CLUL1: variants seen among roughly 807,000 people sequenced by gnomAD.
The protein encoded by CLUL1 is clusterin-like protein 1.
A neutral mutation model predicts 49.4 loss-of-function variants in CLUL1; 43 were observed. The ratio of observed to expected loss-of-function variants is 0.87; its 90% CI spans 0.68 to 1.12. CLUL1 has a LOEUF of 1.12. CLUL1 is among the 50% of genes most tolerant of loss of function. The pLI is 0.00. For missense variants in CLUL1, 486 were observed against 544.4 expected, an observed-to-expected ratio of 0.89 and a Z score of 1.07; for synonymous variants, 192 against 184.9, an observed-to-expected ratio of 1.04 and a Z score of -0.31.
Position 644,980 on chromosome 18 carries a change from T to C in CLUL1, c.1280T>C (p.Leu427Pro), listed in dbSNP as rs1168624279. 1.2e-6 allele frequency: 2 copies of C among 1,613,804 alleles called. No homozygotes were observed. Among genetic ancestry groups the C allele is most frequent in the Non-Finnish European group, 8.5e-7 (1 of 1,179,758 alleles). Residue 427 changes from leucine to proline, a missense_variant, in exon 9 of 10, where the codon CTG (leucine) becomes CCG (proline). Physicochemically the swap from Leu to Pro is moderately conservative, Grantham distance 98 (BLOSUM62 -3). Transcript: ENST00000692774. ...DETMMTDLSI[L>P]PSSNFTLKIP... ...ACAATGATGACAGACTTAAGCATTC[T>C]GCCTTCCTCTAATTTCACACTCAAG...
At chr18:602,700 A>G (rs1181650650) in intron 1 of CLUL1, among the ~76,000 whole-genome samples, 1 of 152,222 alleles carries the variant, frequency 6.6e-6, no homozygotes, top group Non-Finnish European at 1.5e-5. Context: ...GGGGCAATAA[A>G]TGGCGCATTT....
chr18:622,206 C>G (rs531429031), intron 4 of CLUL1, among the ~76,000 whole-genome samples: 2 of 152,282 alleles, frequency 1.3e-5, no homozygotes, highest in Non-Finnish European at 2.9e-5. Flanking sequence ...GACCCAGCAT[C>G]CTCACTGTCC....
rs1208148238 is a variant in CLUL1 at position 619,242 on chromosome 18, G to T, written c.136G>T (p.Asp46Tyr). 7 of 1,613,842 alleles carry T rather than the reference G, an allele frequency of 4.3e-6. No individual in the cohort carries two copies. Among genetic ancestry groups the T allele is most frequent in the Non-Finnish European group, 5.9e-6 (7 of 1,179,966 alleles). Reference sequence around the variant, plus strand: ...TTCTGAGGTGGGGGAGATAGATGCAGATGAAGAGGTGAAGAAGGCTTTGAC... The same window carrying T: ...TTCTGAGGTGGGGGAGATAGATGCATATGAAGAGGTGAAGAAGGCTTTGAC... ...SFSEVGEIDA[D>Y]EEVKKALTGI... The change falls in exon 4 of 10, where the codon GAT becomes TAT. Residue 46 changes from aspartate (D) to tyrosine (Y), a missense_variant. Physicochemically the swap from Asp to Tyr is radical, Grantham distance 160. Transcript: ENST00000692774.
intron 2 of CLUL1, among the ~76,000 whole-genome samples, chr18:611,546 G>A (rs974891830): frequency 6.6e-6 from 1 of 152,010 alleles, no homozygotes; most frequent in Non-Finnish European, 1.5e-5. Context: ...CTGCACTCTA[G>A]CCTGGGCAAC....
chr18:626,887 G>GAAA (rs373271131), intron 5 of CLUL1, among the ~76,000 whole-genome samples: 3 of 2,710 alleles, frequency 1.1e-3, no homozygotes, highest in African/African-American at 3.0e-3. Flanking sequence ...AAGAAAGAAA[G>GAAA]AAAGAAAGAA....
intron 1 of CLUL1, among the ~76,000 whole-genome samples, chr18:604,732 T>G (rs113104146): frequency 3.2e-4 from 49 of 152,336 alleles, no homozygotes; most frequent in African/African-American, 1.2e-3. Flanking sequence ...CTAGGTACCC[T>G]GACATCAAAG....
At chr18:635,778 C>T (rs1222950779) in intron 7 of CLUL1, among the ~76,000 whole-genome samples, 1 of 152,252 alleles carries the variant, frequency 6.6e-6, no homozygotes, top group African/African-American at 2.4e-5. Flanking sequence ...TTTCTGTCGC[C>T]CAGGCTGGAG....
rs575005789 is a variant in CLUL1 at position 629,621 on chromosome 18, C to T, written c.856+2092C>T. On this transcript the variant is annotated intron_variant, in intron 6 of 9. Coordinates refer to ENST00000692774, the MANE Select transcript of CLUL1 (RefSeq NM_001393344.1). ...TCTCAGCTGCCTCACACGCACCCTC[C>T]CCAGCCCCTCTGCGCCACTTCCATC... 1.2e-4 allele frequency among the ~76,000 whole-genome samples: 19 copies of T among 152,360 alleles called. No homozygotes were observed. The East Asian group carries it at 3.1e-3, about 25-fold the overall frequency.
intron 9 of CLUL1, among the ~76,000 whole-genome samples, chr18:647,075 C>T (rs2074529104): frequency 6.6e-6 from 1 of 151,984 alleles, no homozygotes; most frequent in African/African-American, 2.4e-5. Flanking sequence ...AAAAATACAT[C>T]AATTAATTAA....
chr18:605,783 C>T (rs2072956696), intron 1 of CLUL1, among the ~76,000 whole-genome samples: 1 of 151,976 alleles, frequency 6.6e-6, no homozygotes, highest in African/African-American at 2.4e-5. Flanking sequence ...TTCAAGCCAT[C>T]CTCCCAACTC....
intron 9 of CLUL1, among the ~76,000 whole-genome samples, chr18:646,088 G>A (rs992507788): frequency 3.3e-5 from 5 of 151,516 alleles, no homozygotes; most frequent in African/African-American, 7.3e-5. Flanking sequence ...TACTCAGGTC[G>A]GAGGTGGTAG....
chr18:599,204 A>ATGT (rs759691595), intron 1 of CLUL1, among the ~76,000 whole-genome samples: 91 of 152,322 alleles, frequency 6.0e-4, no homozygotes, highest in Admixed American at 2.0e-3. Flanking sequence ...CTTTAAGTGT[A>ATGT]TGTTGTTGTT....
chr18:603,305 C>T (rs1048886525), intron 1 of CLUL1, among the ~76,000 whole-genome samples: 3 of 151,994 alleles, frequency 2.0e-5, no homozygotes, highest in Non-Finnish European at 4.4e-5. Context: ...TAAAAGATCC[C>T]TCTGATAGGA....
intron 6 of CLUL1, among the ~76,000 whole-genome samples, chr18:632,503 A>G (rs2074019543): frequency 6.6e-6 from 1 of 152,180 alleles, no homozygotes; most frequent in African/African-American, 2.4e-5. Context: ...GTTTTTTAAA[A>G]TACAGAAAAG....
intron 9 of CLUL1, among the ~76,000 whole-genome samples, chr18:645,621 G>C (rs1389870090): frequency 1.3e-5 from 2 of 150,302 alleles, no homozygotes; most frequent in African/African-American, 2.4e-5. Flanking sequence ...CGGAGAAACT[G>C]CGTCTCTACT....
At chr18:645,797 AAAAAAAAAAAAAAATAT>A (rs1185819955) in intron 9 of CLUL1, among the ~76,000 whole-genome samples, 1 of 41,908 alleles carries the variant, frequency 2.4e-5, no homozygotes, top group African/African-American at 1.0e-4. Flanking sequence ...CTGTTTAAAA[AAAAAAAAAAAAAAATAT>A]ATATATATAT....
chr18:641,269 G>T, intron 7 of CLUL1, 58 bp from the exon 8 acceptor site: 2 of 1,460,428 alleles, frequency 1.4e-6, no homozygotes, highest in Non-Finnish European at 1.9e-6. Flanking sequence ...AGCCCATGTT[G>T]CCCACCTCCA....
At chr18:631,368 C>A (rs28532598) in intron 6 of CLUL1, among the ~76,000 whole-genome samples, 66,138 of 151,610 alleles carry the variant, frequency 0.44, 14,935 homozygotes, top group East Asian at 0.76. Context: ...TAGCTTGACC[C>A]GTGCGGGGGC....
chr18:637,130 G>A (rs905221619), intron 7 of CLUL1, among the ~76,000 whole-genome samples: 2 of 152,058 alleles, frequency 1.3e-5, no homozygotes, highest in African/African-American at 4.8e-5. Flanking sequence ...GGGACTACAG[G>A]CGCCCGCCAC....
Sources: gnomAD v4.1 joint callset for allele counts (sites outside exome capture counted in the v4.1 genomes callset) on GRCh38, gnomAD v4.1.1 for gene constraint, MANE v1.5 for transcripts, NCBI Gene and HGNC (gene_info 2026-07-23, HGNC 2026-07-21) for gene names.